DIP2B: variants seen among roughly 807,000 people sequenced by gnomAD.
The protein encoded by DIP2B is disco-interacting protein 2 homolog B.
DIP2B carries 76 observed loss-of-function variants against 198.0 expected under a neutral mutation model. That is an observed-to-expected ratio of 0.38 (90% CI 0.32 to 0.46). The LOEUF is 0.46. Among genes scored for constraint, DIP2B ranks in the 20% least tolerant of loss-of-function variants. The pLI is 0.99. For synonymous variants in DIP2B, 701 were observed against 739.1 expected, an observed-to-expected ratio of 0.95 and a Z score of 0.84; for missense variants, 1,559 against 1,978.4, an observed-to-expected ratio of 0.79 and a Z score of 4.02.
At chr12:50,686,533 T>G (rs745404778) in intron 11 of DIP2B, 40 bp from the exon 12 acceptor site, 6 of 1,587,440 alleles carry the variant, frequency 3.8e-6, no homozygotes, top group Middle Eastern at 3.3e-4. Flanking sequence ...CATTCCCTGA[T>G]GGCTTAGGCA....
intron 4 of DIP2B, among the ~76,000 whole-genome samples, chr12:50,669,035 C>G (rs1938803960): frequency 6.6e-6 from 1 of 152,042 alleles, no homozygotes; most frequent in Non-Finnish European, 1.5e-5. Flanking sequence ...ATTTATCTCT[C>G]CACCCTCATT....
In DIP2B at chr12:50,667,081, C is replaced by G. The variant is rs148596215; in HGVS notation, c.428-4105C>G. Among the ~76,000 whole-genome samples the G allele has an allele frequency of 4.6e-3, 698 of 152,276 alleles. 8 individuals are homozygous for G. The highest frequency in any genetic ancestry group is 0.016 in the African/African-American group (659 of 41,558). On this transcript the variant is annotated intron_variant, in intron 4 of 37. Coordinates refer to ENST00000301180, the MANE Select transcript of DIP2B (RefSeq NM_173602.3). Reference sequence around the variant, plus strand: ...ACAGGTTTTTGTCATGTTGCCCAGGCTGGTCTCAAACTCCTGAGCTCAAGC... The same window carrying G: ...ACAGGTTTTTGTCATGTTGCCCAGGGTGGTCTCAAACTCCTGAGCTCAAGC...
chr12:50,519,230 A>G (rs1958093781), intron 1 of DIP2B, among the ~76,000 whole-genome samples: 1 of 152,198 alleles, frequency 6.6e-6, no homozygotes, highest in Non-Finnish European at 1.5e-5. Context: ...ATACCAGTAT[A>G]ACTACTGGCA....
intron 1 of DIP2B, among the ~76,000 whole-genome samples, chr12:50,548,121 A>G (rs1958393353): frequency 6.6e-6 from 1 of 152,200 alleles, no homozygotes; most frequent in South Asian, 2.1e-4. Flanking sequence ...CATAGGAAAA[A>G]CGCATTGATT....
chr12:50,723,376 G>A, intron 27 of DIP2B, 53 bp downstream of exon 27: 1 of 1,605,420 alleles, frequency 6.2e-7, no homozygotes, highest in Non-Finnish European at 8.5e-7. Context: ...TCCAGATTCA[G>A]ACAACTAAGG....
intron 37 of DIP2B, among the ~76,000 whole-genome samples, chr12:50,744,142 C>T (rs1056974832): frequency 2.6e-5 from 4 of 152,172 alleles, no homozygotes; most frequent in Non-Finnish European, 5.9e-5. Context: ...GCTGGGACTA[C>T]GGGTGCTCAC....
chr12:50,707,446 T>TGGAA (rs903460495), intron 21 of DIP2B, among the ~76,000 whole-genome samples: 19 of 152,300 alleles, frequency 1.2e-4, no homozygotes, highest in Admixed American at 7.2e-4. Flanking sequence ...TGAATGTATG[T>TGGAA]GGAAGGAAGG....
At position 50,744,759 on chromosome 12, in the gene DIP2B, G is replaced by A; in HGVS notation, c.4651G>A (p.Gly1551Arg). 6.2e-7 allele frequency: 1 copy of A among 1,614,148 alleles called. No individual in the cohort carries two copies. The change falls in exon 38 of 38, where the codon GGA becomes AGA. Residue 1551 changes from glycine to arginine, a missense_variant. By Grantham distance (125) the Gly-to-Arg change is moderately radical. Coordinates refer to ENST00000301180, the MANE Select transcript of DIP2B (RefSeq NM_173602.3). ...DPGVIPINSR[G>R]EKQRMHLRDS... ...AGGTGTCATCCCGATCAACTCCAGA[G>A]GAGAGAAGCAGAGGATGCACCTCCG...
intron 2 of DIP2B, among the ~76,000 whole-genome samples, chr12:50,627,518 G>A (rs912382966): frequency 6.6e-6 from 1 of 152,024 alleles, no homozygotes; most frequent in African/African-American, 2.4e-5. Flanking sequence ...TTGTAGAGTT[G>A]GGGTCTCACT....
chr12:50,657,690 T>C (rs1273518849), intron 3 of DIP2B, among the ~76,000 whole-genome samples: 1 of 150,648 alleles, frequency 6.6e-6, no homozygotes, highest in Non-Finnish European at 1.5e-5. Flanking sequence ...TTGCATAACC[T>C]GAAATTAATT....
intron 3 of DIP2B, among the ~76,000 whole-genome samples, chr12:50,650,133 C>T (rs540094440): frequency 2.8e-4 from 43 of 152,070 alleles, no homozygotes; most frequent in African/African-American, 1.0e-3. Flanking sequence ...TCGCTTGAAC[C>T]CGGGAGGCGG....
At chr12:50,547,384 T>C (rs1443257291) in intron 1 of DIP2B, among the ~76,000 whole-genome samples, 1 of 152,202 alleles carries the variant, frequency 6.6e-6, no homozygotes, top group African/African-American at 2.4e-5. Context: ...TAATTTTGTG[T>C]AACCTGGCAC....
chr12:50,582,456 CT>C (rs912093222), intron 1 of DIP2B, among the ~76,000 whole-genome samples: 37 of 151,884 alleles, frequency 2.4e-4, no homozygotes, highest in Admixed American at 4.6e-4. Context: ...GGCCTAATAG[CT>C]TTTTTTTCTG....
chr12:50,608,231 G>C (rs531508898), intron 1 of DIP2B, among the ~76,000 whole-genome samples: 17 of 152,118 alleles, frequency 1.1e-4, no homozygotes, highest in South Asian at 4.1e-4. Flanking sequence ...CATATCAAAT[G>C]GTTGCTGTTT....
chr12:50,519,123 G>C (rs998822998), intron 1 of DIP2B, among the ~76,000 whole-genome samples: 2 of 152,090 alleles, frequency 1.3e-5, no homozygotes, highest in Non-Finnish European at 2.9e-5. Flanking sequence ...TATTCTCAGA[G>C]AAAAAGGTAT....
chr12:50,510,307 G>T (rs550410526), intron 1 of DIP2B, among the ~76,000 whole-genome samples: 5 of 152,208 alleles, frequency 3.3e-5, no homozygotes, highest in Non-Finnish European at 5.9e-5. Flanking sequence ...TAGCTTTTAT[G>T]GATACCCTTG....
intron 1 of DIP2B, among the ~76,000 whole-genome samples, chr12:50,521,866 A>G (rs1334786722): frequency 6.8e-6 from 1 of 147,492 alleles, no homozygotes; most frequent in Non-Finnish European, 1.5e-5. Flanking sequence ...GGCTTCTTGA[A>G]CTCCTGGGCT....
intron 23 of DIP2B, 33 bp downstream of exon 23, chr12:50,714,629 A>T (rs763687782): frequency 1.9e-6 from 3 of 1,611,822 alleles, no homozygotes; most frequent in Non-Finnish European, 2.5e-6. Context: ...CTGGCACTAA[A>T]ATTCCAACTT....
In DIP2B at chr12:50,704,105, GC is replaced by G. The variant is rs1939471158; in HGVS notation, c.2326-34del. ...AATCACATATACTTTCTAAGAAAAAGCAAAGTTTTTCACTTACTTCATTTTG... is the reference window on the plus strand; with the variant it reads ...AATCACATATACTTTCTAAGAAAAAGAAAGTTTTTCACTTACTTCATTTTG... On this transcript the variant is annotated intron_variant, in intron 19 of 37. Transcript: ENST00000301180. 3 of 1,588,996 alleles carry G rather than the reference GC, an allele frequency of 1.9e-6. No individual in the cohort carries two copies. In the East Asian group the frequency reaches 6.8e-5, roughly 36 times the overall value.
Sources: gnomAD v4.1 joint callset for allele counts (sites outside exome capture counted in the v4.1 genomes callset) on GRCh38, gnomAD v4.1.1 for gene constraint, MANE v1.5 for transcripts, NCBI Gene and HGNC (gene_info 2026-07-23, HGNC 2026-07-21) for gene names.